Variants in KDM2A observed in about 807,000 individuals in gnomAD.
KDM2A encodes the protein lysine-specific demethylase 2A.
KDM2A carries 3 observed loss-of-function variants against 137.3 expected under a neutral mutation model. That is an observed-to-expected ratio of 0.02 (90% CI 0.01 to 0.06). KDM2A has a LOEUF of 0.06. KDM2A is among the 10% of genes least tolerant of loss of function. The probability of loss-of-function intolerance (pLI) is 1.00; values close to 1 mark genes in which losing one functional copy is unlikely to be tolerated. For synonymous variants in KDM2A, 512 were observed against 541.5 expected (o/e 0.95, Z 0.76); for missense variants, 738 against 1,510.6 (o/e 0.49, Z 8.48).
intron 2 of KDM2A, among the ~76,000 whole-genome samples, chr11:67,156,888 T>A (rs1415869566): frequency 6.7e-6 from 1 of 148,874 alleles, no homozygotes; most frequent in Non-Finnish European, 1.5e-5. Flanking sequence ...TGAGACTCTC[T>A]CAAAAAGAAA....
At chr11:67,252,606 C>CT (rs1192492455) in intron 17 of KDM2A, 88 bp from the exon 18 acceptor site, 1 of 1,433,812 alleles carries the variant, frequency 7.0e-7, no homozygotes, top group Non-Finnish European at 9.7e-7. Flanking sequence ...TCCAGGTACT[C>CT]TGCTTTTCCC....
intron 10 of KDM2A, among the ~76,000 whole-genome samples, chr11:67,223,096 G>T (rs886361464): frequency 6.6e-6 from 1 of 151,526 alleles, no homozygotes; most frequent in Non-Finnish European, 1.5e-5. Context: ...GGAGGCTGAG[G>T]CAGGAAAATC....
chr11:67,256,753 C>A lies in KDM2A; in HGVS notation c.*1698C>A, dbSNP rs1859628784. The stretch of plus-strand genomic sequence containing the variant: ...TCTTTGCCACCTAGGCCAGTTTTGA[C>A]CCTGGCATTAACTGGCCTTAGAAGA... On this transcript the variant is annotated 3_prime_UTR_variant, in exon 21 of 21. Coordinates refer to ENST00000529006, the MANE Select transcript of KDM2A (RefSeq NM_012308.3). The A allele has an allele frequency of 2.0e-5, 3 of 152,630 alleles. No individual in the cohort carries two copies. Among genetic ancestry groups the A allele is most frequent in the Admixed American group, 2.0e-4 (3 of 15,272 alleles). 9.5% of individuals were successfully genotyped at this position (152,630 alleles called of 1,614,324 possible). A position where few individuals can be genotyped will look rare whatever the true frequency, so the allele number is the denominator to read the frequency against.
intron 2 of KDM2A, among the ~76,000 whole-genome samples, chr11:67,136,345 TAA>T (rs1855968673): frequency 6.6e-6 from 1 of 152,216 alleles, no homozygotes; most frequent in South Asian, 2.1e-4. Flanking sequence ...AGAGCATACT[TAA>T]GTTATACTGC....
At chr11:67,138,535 C>G (rs2136290873) in intron 2 of KDM2A, among the ~76,000 whole-genome samples, 1 of 152,290 alleles carries the variant, frequency 6.6e-6, no homozygotes, top group South Asian at 2.1e-4. Flanking sequence ...AATCCCAGCA[C>G]TTTGGGAGGC....
rs780550425 is a variant in KDM2A, at chr11:67,254,479, TTGATCAGTAAACCAGAA to T, written c.3307+65_3307+81del. The T allele has an allele frequency of 2.8e-6, 4 of 1,427,568 alleles. No individual in the cohort carries two copies. The Admixed American group carries it at 6.7e-5, about 24-fold the overall frequency. 88.4% of individuals were successfully genotyped at this position (1,427,568 alleles called of 1,614,324 possible). ...CCCTGCCTCCAGCCCTCCCTGGAAC[TTGATCAGTAAACCAGAA>T]TGACCTTGGGTCTGTTGATTGACCC... On this transcript the variant is annotated intron_variant, in intron 20 of 20. Coordinates refer to ENST00000529006, the MANE Select transcript of KDM2A (RefSeq NM_012308.3). The surrounding 1 kb of genome is among the most constrained non-coding windows in gnomAD (Gnocchi z 4.7).
chr11:67,124,739 T>C (rs1219233279), intron 2 of KDM2A, among the ~76,000 whole-genome samples: 2 of 151,750 alleles, frequency 1.3e-5, no homozygotes, highest in Non-Finnish European at 1.5e-5. Context: ...TGTAAGGTGA[T>C]TGGTACTTGT....
At chr11:67,202,805 C>T (rs1056565885) in intron 5 of KDM2A, among the ~76,000 whole-genome samples, 2 of 150,398 alleles carry the variant, frequency 1.3e-5, no homozygotes, top group Non-Finnish European at 3.0e-5. Flanking sequence ...AATTGTCGAC[C>T]CGAGAAACAG....
intron 2 of KDM2A, among the ~76,000 whole-genome samples, chr11:67,152,441 C>CA (rs1333347266): frequency 2.0e-5 from 3 of 151,344 alleles, no homozygotes; most frequent in Non-Finnish European, 4.4e-5. Context: ...CTCATCTCTA[C>CA]AAAAAATAAA....
chr11:67,212,062 G>A (rs1858011262), intron 6 of KDM2A, among the ~76,000 whole-genome samples: 1 of 152,204 alleles, frequency 6.6e-6, no homozygotes, highest in South Asian at 2.1e-4. Context: ...CTGGGAGGCT[G>A]TGGTGGGAGA....
chr11:67,121,041 G>A (rs1855587731), intron 1 of KDM2A, among the ~76,000 whole-genome samples, 193 bp from the exon 2 acceptor site: 1 of 152,064 alleles, frequency 6.6e-6, no homozygotes, highest in Non-Finnish European at 1.5e-5. Flanking sequence ...CTAGGCCTCC[G>A]ACAGTTGTAA....
At chr11:67,214,893 A>G (rs974852933) in intron 6 of KDM2A, among the ~76,000 whole-genome samples, 4 of 152,226 alleles carry the variant, frequency 2.6e-5, no homozygotes, top group African/African-American at 9.6e-5. Flanking sequence ...AAGGCTATAA[A>G]TCTATACTGG....
chr11:67,185,918 A>G (rs1285251492), intron 5 of KDM2A, among the ~76,000 whole-genome samples: 1 of 151,946 alleles, frequency 6.6e-6, no homozygotes, highest in African/African-American at 2.4e-5. Flanking sequence ...ACTGTGAGCG[A>G]ATAAATTTCT....
intron 8 of KDM2A, among the ~76,000 whole-genome samples, chr11:67,217,240 CAAAA>C (rs544615414): frequency 2.0e-5 from 1 of 50,520 alleles, no homozygotes; most frequent in Non-Finnish European, 4.2e-5. Flanking sequence ...GAAACTCTGT[CAAAA>C]AAAAAAAAAA....
chr11:67,180,481 C>A (rs1590753831), intron 3 of KDM2A: 1 of 321,298 alleles, frequency 3.1e-6, no homozygotes, highest in East Asian at 5.3e-5. Flanking sequence ...CTTCCTCCTT[C>A]TTCTATCCCT....
At position 67,219,289 on chromosome 11, in the gene KDM2A, C is replaced by A; in HGVS notation, c.843C>A (p.Gly281=). ...KQGYTFVIPS[G]WIHAVYTPTD... ...TGCCCTCTGTTCCCCTTCTCCTAGG[C>A]TGGATTCATGCTGTGTATACTCCTA... The change falls in exon 10 of 21, where the codon GGC becomes GGA. Residue 281 remains glycine, a splice_region_variant and synonymous_variant. Coordinates refer to ENST00000529006, the MANE Select transcript of KDM2A (RefSeq NM_012308.3). The A allele has an allele frequency of 1.3e-6, 2 of 1,551,764 alleles. No individual in the cohort carries two copies. The highest frequency in any genetic ancestry group is 1.7e-6 in the Non-Finnish European group (2 of 1,145,034).
At chr11:67,168,805 T>C (rs1276256537) in intron 2 of KDM2A, among the ~76,000 whole-genome samples, 1 of 152,178 alleles carries the variant, frequency 6.6e-6, no homozygotes, top group Non-Finnish European at 1.5e-5. Context: ...TTTTTGGATA[T>C]GTATGCATTC....
chr11:67,194,462 C>T (rs1007505049), intron 5 of KDM2A, among the ~76,000 whole-genome samples: 13 of 152,176 alleles, frequency 8.5e-5, no homozygotes, highest in African/African-American at 2.9e-4. Context: ...GTTATGTTAT[C>T]TAGTCAGTTG....
Position 67,181,897 on chromosome 11 carries a change from GTGTCGAGCTTTTGGCCTC to G in KDM2A, c.307+10_307+27del. ...ATGATGTCAAAATGTGTGTGGGTAA[GTGTCGAGCTTTTGGCCTC>G]TGTCTTTAAGGCAAAGATTTAAGAC... On this transcript the variant is annotated splice_donor_region_variant and intron_variant, in intron 5 of 20. Coordinates refer to ENST00000529006, the MANE Select transcript of KDM2A (RefSeq NM_012308.3). The G allele has an allele frequency of 6.2e-7, 1 of 1,613,692 alleles. No individual in the cohort carries two copies. Among genetic ancestry groups the G allele is most frequent in the South Asian group, 1.1e-5 (1 of 91,084 alleles).
Sources: gnomAD v4.1 joint callset for allele counts (sites outside exome capture counted in the v4.1 genomes callset) on GRCh38, gnomAD v4.1.1 for gene constraint, Gnocchi (gnomAD v3.1) non-coding constraint, MANE v1.5 for transcripts, NCBI Gene and HGNC (gene_info 2026-07-23, HGNC 2026-07-21) for gene names.